DNAJC6: variants seen among roughly 807,000 people sequenced by gnomAD.
DNAJC6 encodes the protein DnaJ heat shock protein family (Hsp40) member C6, also known as auxilin.
DNAJC6 carries 34 observed loss-of-function variants against 110.0 expected under a neutral mutation model. The ratio of observed to expected loss-of-function variants is 0.31; its 90% CI spans 0.24 to 0.41. The LOEUF (loss-of-function observed/expected upper bound fraction) is 0.41. DNAJC6 is among the 10% of genes least tolerant of loss of function. DNAJC6 has a pLI of 1.00. For synonymous variants in DNAJC6, 406 were observed against 437.2 expected (o/e 0.93, Z 0.89); for missense variants, 1,031 against 1,207.8 (o/e 0.85, Z 2.17).
At position 65,405,950 on chromosome 1, in the gene DNAJC6, G is replaced by C. The variant is rs773936171; in HGVS notation, c.2308G>C (p.Ala770Pro). ...GFPPLSSPQK[A>P]SPQPMGGGWQ... ...CCCGCCTCTCAGCTCGCCACAGAAG[G>C]CGTCTCCCCAGCCTATGGGTGGCGG... Residue 770 changes from alanine to proline, a missense_variant, in exon 16 of 19, where the codon GCG (alanine) becomes CCG (proline). Physicochemically the swap from Ala to Pro is conservative, Grantham distance 27 (BLOSUM62 -1). Transcript: ENST00000371069. 14 of 1,614,064 alleles carry C rather than the reference G, an allele frequency of 8.7e-6. No individual in the cohort carries two copies. Among genetic ancestry groups the C allele is most frequent in the South Asian group, 7.7e-5 (7 of 91,084 alleles).
intron 4 of DNAJC6, among the ~76,000 whole-genome samples, chr1:65,368,628 TCTCCTC>T (rs1470056007): frequency 6.8e-6 from 1 of 147,104 alleles, no homozygotes; most frequent in African/African-American, 2.6e-5. Context: ...TTCTTCTCCT[TCTCCTC>T]CTCCTCATTC....
chr1:65,317,468 T>C (rs1321199657), intron 1 of DNAJC6, among the ~76,000 whole-genome samples: 7 of 152,354 alleles, frequency 4.6e-5, no homozygotes, highest in African/African-American at 1.7e-4. Context: ...GCAAAAAATA[T>C]CTTTTTATTT....
At chr1:65,379,560 G>A in intron 5 of DNAJC6, 36 bp downstream of exon 5, 2 of 1,611,958 alleles carry the variant, frequency 1.2e-6, no homozygotes, top group South Asian at 1.1e-5. Flanking sequence ...TGATGGTTTG[G>A]TTTGGTCAAA....
chr1:65,340,852 G>C (rs999136252), intron 1 of DNAJC6, among the ~76,000 whole-genome samples: 3 of 152,124 alleles, frequency 2.0e-5, no homozygotes, highest in African/African-American at 7.2e-5. Context: ...AGCTACTGAG[G>C]GGTGTTGAAA....
In DNAJC6 at chr1:65,406,306, C is replaced by T. The variant is rs568501043; in HGVS notation, c.2491+173C>T. 4.9e-4 allele frequency among the ~76,000 whole-genome samples: 74 copies of T among 151,120 alleles called. 1 individual carries two copies. The South Asian group carries it at 0.016, about 32-fold the overall frequency. On this transcript the variant is annotated intron_variant, in intron 16 of 18. Coordinates refer to ENST00000371069, the MANE Select transcript of DNAJC6 (RefSeq NM_001256864.2). ...CATGATTCCTACCCCCAACGCTGTA[C>T]CTGGAGGCTCCTAGGTTGACTATGC...
rs1406264938 is a variant in DNAJC6 at position 65,310,427 on chromosome 1, G to A, written c.193+489G>A. Among the ~76,000 whole-genome samples the A allele has an allele frequency of 3.3e-5, 5 of 152,326 alleles. No homozygotes were observed. In the East Asian group the frequency reaches 7.7e-4, roughly 24 times the overall value. On this transcript the variant is annotated intron_variant, in intron 1 of 18. Coordinates refer to ENST00000371069, the MANE Select transcript of DNAJC6 (RefSeq NM_001256864.2). ...CAATGCTGATGCTATTTGCAATTCT[G>A]TAAAGCTCTGCCACATCTTAACTCA...
Position 65,365,846 on chromosome 1 carries a change from G to C in DNAJC6, c.345-39G>C, listed in dbSNP as rs942094737. 1.5e-5 allele frequency: 24 copies of C among 1,603,290 alleles called. 1 individual carries two copies. In the African/African-American group the frequency reaches 3.1e-4, roughly 21 times the overall value. The stretch of plus-strand genomic sequence containing the variant: ...AGAGAGAGAAATCTTGGCATATTTG[G>C]ATCATTTTAATGAGTGCCCATTTTT... On this transcript the variant is annotated intron_variant, in intron 2 of 18. Coordinates refer to ENST00000371069, the MANE Select transcript of DNAJC6 (RefSeq NM_001256864.2).
At chr1:65,378,617 G>A (rs962902220) in intron 4 of DNAJC6, among the ~76,000 whole-genome samples, 2 of 152,146 alleles carry the variant, frequency 1.3e-5, no homozygotes, top group Non-Finnish European at 2.9e-5. Context: ...AATCAACTGG[G>A]GATCATGCCT....
chr1:65,402,864 T>A (rs1269439971), intron 15 of DNAJC6, among the ~76,000 whole-genome samples: 1 of 152,252 alleles, frequency 6.6e-6, no homozygotes, highest in Non-Finnish European at 1.5e-5. Flanking sequence ...TTTCTTTGTA[T>A]CTTACTGAAA....
intron 15 of DNAJC6, among the ~76,000 whole-genome samples, chr1:65,403,289 C>T (rs919108485): frequency 1.7e-4 from 26 of 152,186 alleles, no homozygotes; most frequent in Non-Finnish European, 3.8e-4. Flanking sequence ...AGGGACACAA[C>T]AGGTTAAGTA....
chr1:65,316,043 G>C (rs1313482936), intron 1 of DNAJC6, among the ~76,000 whole-genome samples: 5 of 152,174 alleles, frequency 3.3e-5, no homozygotes, highest in African/African-American at 1.2e-4. Context: ...ATTAAGACTT[G>C]ATACGGCACT....
At chr1:65,294,948 T>C (rs1302386904) in intron 1 of DNAJC6, among the ~76,000 whole-genome samples, 1 of 152,224 alleles carries the variant, frequency 6.6e-6, no homozygotes, top group Non-Finnish European at 1.5e-5. Flanking sequence ...ATGATGCTTA[T>C]TATTTTTGCT....
intron 1 of DNAJC6, among the ~76,000 whole-genome samples, chr1:65,337,988 A>G (rs1041492584): frequency 6.6e-6 from 1 of 152,156 alleles, no homozygotes; most frequent in East Asian, 1.9e-4. Flanking sequence ...GCTTTCTGGT[A>G]TCACCAGATG....
In DNAJC6 at chr1:65,341,509, T is replaced by C. The variant is rs527553242; in HGVS notation, c.194-23126T>C. 7.2e-5 allele frequency among the ~76,000 whole-genome samples: 11 copies of C among 152,302 alleles called. No individual in the cohort carries two copies. The East Asian group carries it at 2.1e-3, about 29-fold the overall frequency. On this transcript the variant is annotated intron_variant, in intron 1 of 18. Coordinates refer to ENST00000371069, the MANE Select transcript of DNAJC6 (RefSeq NM_001256864.2). The stretch of plus-strand genomic sequence containing the variant: ...GCTGCTAATGACTTATCAGCTCTTT[T>C]GTCCATAGTCTTCTCAAAGAAAAAA...
At chr1:65,293,748 AATATGTTGGTCTAT>A (rs1476336223) in intron 1 of DNAJC6, among the ~76,000 whole-genome samples, 1 of 152,196 alleles carries the variant, frequency 6.6e-6, no homozygotes, top group African/African-American at 2.4e-5. Context: ...AATTATTGTT[AATATGTTGGTCTAT>A]GCACAAATAG....
chr1:65,392,117 C>T (rs559718127), intron 11 of DNAJC6, among the ~76,000 whole-genome samples: 2 of 152,200 alleles, frequency 1.3e-5, no homozygotes, highest in Admixed American at 6.5e-5. Context: ...GAGGAGGAAA[C>T]CAAGGCACAG....
intron 4 of DNAJC6, 148 bp downstream of exon 4, chr1:65,366,344 G>T: frequency 1.2e-6 from 1 of 849,654 alleles, no homozygotes; most frequent in Non-Finnish European, 1.8e-6. Context: ...TATTTATTAG[G>T]CTGCTATGAG....
chr1:65,265,508 C>T (rs1221188921), intron 1 of DNAJC6, among the ~76,000 whole-genome samples: 1 of 152,120 alleles, frequency 6.6e-6, no homozygotes, highest in African/African-American at 2.4e-5. Context: ...CACACCTTAC[C>T]TCCCCCTCAC....
At position 65,309,886 on chromosome 1, in the gene DNAJC6, G is replaced by C; in HGVS notation, c.141G>C (p.Ala47=). Residue 47 remains alanine, a synonymous_variant, in exon 1 of 19, where the codon GCG becomes GCC. Coordinates refer to ENST00000371069, the MANE Select transcript of DNAJC6 (RefSeq NM_001256864.2). ...GKQRVNAGAA[A]RSPARQPPDR... ...AGAGAGTGAACGCCGGGGCAGCGGC[G>C]CGGAGTCCCGCCCGACAGCCTCCGG... is the stretch of plus-strand genomic sequence containing the variant. 6.5e-7 allele frequency: 1 copy of C among 1,544,392 alleles called. No homozygotes were observed. The highest frequency in any genetic ancestry group is 1.2e-5 in the South Asian group (1 of 83,716).
Sources: gnomAD v4.1 joint callset for allele counts (sites outside exome capture counted in the v4.1 genomes callset) on GRCh38, gnomAD v4.1.1 for gene constraint, MANE v1.5 for transcripts, NCBI Gene and HGNC (gene_info 2026-07-23, HGNC 2026-07-21) for gene names.